Variants in TTC23L observed in about 807,000 individuals in gnomAD.
TTC23L encodes tetratricopeptide repeat domain 23 like.
In TTC23L, 42 loss-of-function variants were observed where a neutral mutation model predicts 48.1. The observed-to-expected ratio is 0.87, with a 90% CI of 0.68 to 1.13. TTC23L has a LOEUF of 1.13. TTC23L is among the 50% of genes most tolerant of loss of function. The pLI, the probability that TTC23L is intolerant of heterozygous loss-of-function variation, is 0.00. For synonymous variants in TTC23L, 159 were observed against 157.2 expected, an observed-to-expected ratio of 1.01 and a Z score of -0.09; for missense variants, 391 against 421.0, an observed-to-expected ratio of 0.93 and a Z score of 0.62.
At chr5:34,895,910 T>C (rs1056557602) in intron 9 of TTC23L, among the ~76,000 whole-genome samples, 1 of 152,206 alleles carries the variant, frequency 6.6e-6, no homozygotes, top group Non-Finnish European at 1.5e-5. Flanking sequence ...TTTCCTATTA[T>C]TTATTAGTAA....
chr5:34,915,143 C>G, the TTC23L span, among the ~76,000 whole-genome samples: 1 of 152,204 alleles, frequency 6.6e-6, no homozygotes, highest in Non-Finnish European at 1.5e-5. Context: ...GTTTCCTCGT[C>G]TCCGTAAGAG....
intron 9 of TTC23L, among the ~76,000 whole-genome samples, chr5:34,882,312 G>A (rs1157430899): frequency 6.6e-6 from 1 of 152,054 alleles, no homozygotes; most frequent in Non-Finnish European, 1.5e-5. Context: ...AGTGCCAGGT[G>A]GCTCCAAATC....
the TTC23L span, chr5:34,908,915 C>T: frequency 3.7e-6 from 6 of 1,608,904 alleles, no homozygotes; most frequent in Non-Finnish European, 5.1e-6. Context: ...GGACTAATGC[C>T]TTTGTAGAGG....
the TTC23L span, chr5:34,922,632 T>A: frequency 3.1e-6 from 5 of 1,588,814 alleles, no homozygotes; most frequent in East Asian, 1.1e-4. Context: ...AAATTAAAAG[T>A]AATCTTTTGA....
chr5:34,925,008 G>A, the TTC23L span: 5 of 1,597,924 alleles, frequency 3.1e-6, no homozygotes, highest in South Asian at 5.6e-5. Flanking sequence ...AGTCTTCAAT[G>A]TACCAGAACC....
chr5:34,859,923 A>T (rs534161938), intron 4 of TTC23L, among the ~76,000 whole-genome samples: 1 of 141,546 alleles, frequency 7.1e-6, no homozygotes, highest in Non-Finnish European at 1.5e-5. Flanking sequence ...GGCTCACTGC[A>T]AGCTCTGCCA....
At chr5:34,923,930 A>G in the TTC23L span, among the ~76,000 whole-genome samples, 1 of 146,920 alleles carries the variant, frequency 6.8e-6, no homozygotes, top group African/African-American at 2.4e-5. Context: ...AACTTTATAG[A>G]AAGGGAATAA....
At chr5:34,843,215 A>C (rs1758839571) in intron 2 of TTC23L, among the ~76,000 whole-genome samples, 1 of 152,268 alleles carries the variant, frequency 6.6e-6, no homozygotes, top group Admixed American at 6.5e-5. Context: ...TATCTGGGAA[A>C]TAATCGGATA....
At chr5:34,912,791 G>C in the TTC23L span, among the ~76,000 whole-genome samples, 8 of 152,184 alleles carry the variant, frequency 5.3e-5, no homozygotes, top group African/African-American at 1.9e-4. Context: ...CCTGAGGTCA[G>C]GAGTTTGAGA....
intron 7 of TTC23L, chr5:34,868,052 C>T (rs1373602172): frequency 2.6e-5 from 4 of 152,062 alleles, no homozygotes; most frequent in Non-Finnish European, 4.4e-5. Context: ...GAGGATATAT[C>T]GATTCATTTA....
At position 34,841,668 on chromosome 5, in the gene TTC23L, C is replaced by T. The variant is rs867389924; in HGVS notation, c.68+929C>T. 2.6e-5 allele frequency among the ~76,000 whole-genome samples: 4 copies of T among 152,304 alleles called. No individual in the cohort carries two copies. The East Asian group carries it at 7.7e-4, about 29-fold the overall frequency. ...GAGTAGCTGGGACTACAGGCACACA[C>T]CACCATACCTGCCTAATTTTTACAT... On this transcript the variant is annotated intron_variant, in intron 2 of 10. Transcript: ENST00000505624.
At chr5:34,888,718 A>C (rs1762680368) in intron 9 of TTC23L, among the ~76,000 whole-genome samples, 1 of 152,212 alleles carries the variant, frequency 6.6e-6, no homozygotes, top group African/African-American at 2.4e-5. Flanking sequence ...GATTTCTTAC[A>C]GTCTCATAGA....
chr5:34,909,202 T>A, the TTC23L span: 2 of 1,299,400 alleles, frequency 1.5e-6, no homozygotes, highest in South Asian at 1.3e-5. Flanking sequence ...TTAACAGAAA[T>A]CTGGTATTTA....
chr5:34,867,224 G>C, intron 7 of TTC23L, 155 bp downstream of exon 7: 1 of 787,102 alleles, frequency 1.3e-6, no homozygotes, highest in Non-Finnish European at 2.1e-6. Flanking sequence ...AAGAGCCCTT[G>C]ATCAAACCTT....
chr5:34,917,363 G>T, the TTC23L span, among the ~76,000 whole-genome samples: 963 of 152,278 alleles, frequency 6.3e-3, 14 homozygotes, highest in African/African-American at 0.022. Context: ...GTCCAGCGTG[G>T]TGGCTCACGC....
the TTC23L span, among the ~76,000 whole-genome samples, chr5:34,919,285 A>G: frequency 6.6e-6 from 1 of 150,474 alleles, no homozygotes; most frequent in African/African-American, 2.4e-5. Flanking sequence ...AAAAAAAAAA[A>G]AAAAAAAAAA....
chr5:34,922,110 C>A, the TTC23L span: 2 of 589,694 alleles, frequency 3.4e-6, no homozygotes, highest in Non-Finnish European at 5.9e-6. Flanking sequence ...AGCCTATTAG[C>A]CTGGTTAGGT....
the TTC23L span, chr5:34,911,402 A>T: frequency 3.2e-6 from 3 of 936,816 alleles, no homozygotes; most frequent in Admixed American, 8.1e-5. Context: ...AAGTTTCTTG[A>T]TCCATAAAAT....
chr5:34,922,636 C>T, the TTC23L span: 1 of 1,590,692 alleles, frequency 6.3e-7, no homozygotes, highest in Non-Finnish European at 8.6e-7. Flanking sequence ...TAAAAGTAAT[C>T]TTTTGAAATA....
Sources: gnomAD v4.1 joint callset for allele counts (sites outside exome capture counted in the v4.1 genomes callset) on GRCh38, gnomAD v4.1.1 for gene constraint, MANE v1.5 for transcripts, NCBI Gene and HGNC (gene_info 2026-07-23, HGNC 2026-07-21) for gene names.